Variants in XYLB observed in about 807,000 individuals in gnomAD.
XYLB encodes the protein xylulose kinase.
Under a neutral mutation model 78.7 loss-of-function variants are expected in XYLB, and 62 were observed. That is an observed-to-expected ratio of 0.79 (90% CI 0.64 to 0.97). The LOEUF is 0.97. XYLB is among the 50% of genes least tolerant of loss of function. The pLI, the probability that XYLB is intolerant of heterozygous loss-of-function variation, is 0.00. For synonymous variants in XYLB, 245 were observed against 247.4 expected (o/e 0.99, Z 0.09); for missense variants, 687 against 676.8 (o/e 1.02, Z -0.17).
chr3:38,356,672 G>A (rs762821921), intron 2 of XYLB: 2 of 152,208 alleles, frequency 1.3e-5, no homozygotes, highest in Admixed American at 6.5e-5. Context: ...ATGTCATAGC[G>A]TGTGTCAGTA....
chr3:38,354,422 C>T (rs1705533085), intron 2 of XYLB, among the ~76,000 whole-genome samples: 2 of 151,448 alleles, frequency 1.3e-5, no homozygotes, highest in South Asian at 4.2e-4. Flanking sequence ...TTTTTTTTTC[C>T]AGAGTTTCCA....
chr3:38,362,944 A>T lies in XYLB; in HGVS notation c.218A>T (p.Asp73Val), dbSNP rs1304785932. 3.2e-6 allele frequency: 5 copies of T among 1,578,210 alleles called. No individual in the cohort carries two copies. The highest frequency in any genetic ancestry group is 1.2e-5 in the South Asian group (1 of 86,082). Residue 73 changes from aspartate to valine, a missense_variant, in exon 4 of 19, where the codon GAT (aspartate) becomes GTT (valine). Physicochemically the swap from Asp to Val is radical, Grantham distance 152. Coordinates refer to ENST00000207870, the MANE Select transcript of XYLB (RefSeq NM_005108.4). ...SPVLMWVQAL[D>V]IILEKMKASG... Reference sequence around the variant, plus strand: ...TTCTGTTTTTCTTCTTAGGCACTGGATATCATCTTGGAGAAGATGAAGGCT... The same window carrying T: ...TTCTGTTTTTCTTCTTAGGCACTGGTTATCATCTTGGAGAAGATGAAGGCT...
downstream of XYLB, among the ~76,000 whole-genome samples, chr3:38,424,964 C>T (rs1423829056): frequency 6.6e-6 from 1 of 152,184 alleles, no homozygotes; most frequent in African/African-American, 2.4e-5. Flanking sequence ...ATGTTAATGC[C>T]TCTGGTCTCA....
chr3:38,400,744 A>AT lies in XYLB; in HGVS notation c.1439-142dup, dbSNP rs1374718556. The AT allele has an allele frequency of 6.7e-6, 4 of 594,774 alleles. No individual in the cohort carries two copies. In the South Asian group the frequency reaches 9.5e-5, roughly 14 times the overall value. 36.8% of individuals were successfully genotyped at this position (594,774 alleles called of 1,614,324 possible). On this transcript the variant is annotated intron_variant, in intron 17 of 18. Coordinates refer to ENST00000207870, the MANE Select transcript of XYLB (RefSeq NM_005108.4). ...TCCATTTTAAGTGTCCAATTCATTG[A>AT]TTTTTCATAAATGTACTGAATTGTG...
intron 2 of XYLB, 23 bp from the exon 3 acceptor site, chr3:38,360,316 T>C (rs1575463390): frequency 6.2e-7 from 1 of 1,611,848 alleles, no homozygotes. Flanking sequence ...GGCTCTGGTC[T>C]ACATTCTCTG....
At chr3:38,389,379 A>T (rs1434223919) in intron 15 of XYLB, among the ~76,000 whole-genome samples, 31 of 150,514 alleles carry the variant, frequency 2.1e-4, no homozygotes, top group Non-Finnish European at 3.5e-4. Flanking sequence ...CCGATTTCTC[A>T]ATCTTTTCCC....
At chr3:38,352,539 GC>G (rs1306686796) in intron 2 of XYLB, among the ~76,000 whole-genome samples, 5 of 152,156 alleles carry the variant, frequency 3.3e-5, no homozygotes, top group African/African-American at 1.2e-4. Context: ...TGGCACAGTG[GC>G]TCAAGCCTGT....
chr3:38,437,141 C>T, the XYLB span, among the ~76,000 whole-genome samples: 1 of 151,494 alleles, frequency 6.6e-6, no homozygotes, highest in South Asian at 2.1e-4. Flanking sequence ...CATGATACAC[C>T]ATATCAACAG....
At chr3:38,427,109 T>C in the XYLB span, among the ~76,000 whole-genome samples, 2 of 152,242 alleles carry the variant, frequency 1.3e-5, no homozygotes, top group African/African-American at 4.8e-5. Context: ...TTTCTGTCAA[T>C]AAATGTGTGG....
At chr3:38,422,157 C>T (rs1708999051), downstream of XYLB, among the ~76,000 whole-genome samples, 1 of 152,138 alleles carries the variant, frequency 6.6e-6, no homozygotes. Flanking sequence ...TCAGATGATG[C>T]CAGCGGTATG....
chr3:38,406,866 G>A (rs1230649486), intron 18 of XYLB, among the ~76,000 whole-genome samples: 3 of 152,148 alleles, frequency 2.0e-5, no homozygotes, highest in Non-Finnish European at 4.4e-5. Flanking sequence ...AAAGCCTCCA[G>A]GAAATATGGG....
the XYLB span, among the ~76,000 whole-genome samples, chr3:38,439,457 G>C: frequency 6.6e-6 from 1 of 152,228 alleles, no homozygotes; most frequent in Non-Finnish European, 1.5e-5. Context: ...CAACTCCAGA[G>C]GTTGGTATAA....
At chr3:38,369,938 G>A (rs1706456452) in intron 8 of XYLB, 118 bp from the exon 9 acceptor site, 1 of 872,068 alleles carries the variant, frequency 1.1e-6, no homozygotes, top group African/African-American at 1.7e-5. Context: ...CTTCCATGAA[G>A]AAAGAGCTCC....
intron 9 of XYLB, 66 bp downstream of exon 9, chr3:38,370,240 GCACACA>G (rs3219563): frequency 3.2e-5 from 21 of 647,686 alleles, no homozygotes; most frequent in African/African-American, 2.2e-4. Context: ...GCACTGTAGC[GCACACA>G]CACACACACA....
At chr3:38,366,680 G>C (rs1005984211) in intron 6 of XYLB, 128 bp from the exon 7 acceptor site, 25 of 652,220 alleles carry the variant, frequency 3.8e-5, no homozygotes, top group Non-Finnish European at 5.9e-5. Context: ...CCTGGTTGGG[G>C]CTTACTTTTA....
chr3:38,450,230 T>C, the XYLB span, among the ~76,000 whole-genome samples: 1 of 152,230 alleles, frequency 6.6e-6, no homozygotes, highest in African/African-American at 2.4e-5. Flanking sequence ...GCCACTTATA[T>C]TTTCTCAAAT....
At chr3:38,373,673 C>T (rs1706693519) in intron 10 of XYLB, among the ~76,000 whole-genome samples, 1 of 152,176 alleles carries the variant, frequency 6.6e-6, no homozygotes, top group African/African-American at 2.4e-5. Flanking sequence ...AGGTGGGATT[C>T]CTAGATCCAA....
chr3:38,388,415 T>G (rs1162862723), intron 15 of XYLB, among the ~76,000 whole-genome samples: 1 of 152,068 alleles, frequency 6.6e-6, no homozygotes. Context: ...TGTGAAGTAA[T>G]GCATAAGTTA....
At chr3:38,371,786 G>GAGGC (rs968077977) in intron 9 of XYLB, among the ~76,000 whole-genome samples, 6 of 152,210 alleles carry the variant, frequency 3.9e-5, no homozygotes, top group African/African-American at 1.4e-4. Context: ...AGTATGCCAT[G>GAGGC]AGGCCAGTGC....
Sources: gnomAD v4.1 joint callset for allele counts (sites outside exome capture counted in the v4.1 genomes callset) on GRCh38, gnomAD v4.1.1 for gene constraint, MANE v1.5 for transcripts, NCBI Gene and HGNC (gene_info 2026-07-23, HGNC 2026-07-21) for gene names.